The following LRRC7 variants were observed in gnomAD, a reference collection of about 807,000 sequenced individuals.
LRRC7 encodes the protein leucine rich repeat containing 7.
Under a neutral mutation model 175.7 loss-of-function variants are expected in LRRC7, and 23 were observed. That is an observed-to-expected ratio of 0.13 (90% CI 0.09 to 0.19). The LOEUF is 0.19. Among genes scored for constraint, LRRC7 ranks in the 10% least tolerant of loss-of-function variants. LRRC7 has a pLI of 1.00. For missense variants in LRRC7, 1,354 were observed against 1,904.7 expected (o/e 0.71, Z 5.38); for synonymous variants, 685 against 680.9 (o/e 1.01, Z -0.09).
intron 1 of LRRC7, among the ~76,000 whole-genome samples, chr1:69,660,424 TC>T (rs1156601660): frequency 2.0e-5 from 3 of 152,044 alleles, no homozygotes. Context: ...CAATACACAT[TC>T]TTTCCAAAGC....
At chr1:69,741,525 C>A (rs995862541) in intron 2 of LRRC7, among the ~76,000 whole-genome samples, 1 of 151,978 alleles carries the variant, frequency 6.6e-6, no homozygotes, top group South Asian at 2.1e-4. Flanking sequence ...GCCAGACCAC[C>A]AAATGCAGTG....
At position 70,038,204 on chromosome 1, in the gene LRRC7, G is replaced by C; in HGVS notation, c.2380G>C (p.Asp794His). Residue 794 changes from aspartate (D) to histidine (H), a missense_variant, in exon 21 of 27, where the codon GAC (aspartate) becomes CAC (histidine). Transcript: ENST00000651989. ...VPPGNIPQRP[D>H]RLPMSDTFTD... ...CCCAGGCAATATACCACAGCGTCCT[G>C]ACCGGCTGCCCATGAGTGATACTTT... 1 of 1,614,110 alleles carries C rather than the reference G, an allele frequency of 6.2e-7. No homozygotes were observed. Among genetic ancestry groups the C allele is most frequent in the Non-Finnish European group, 8.5e-7 (1 of 1,180,016 alleles).
At chr1:70,069,444 A>T (rs1265368484) in intron 23 of LRRC7, among the ~76,000 whole-genome samples, 2 of 152,168 alleles carry the variant, frequency 1.3e-5, no homozygotes, top group Admixed American at 6.5e-5. Flanking sequence ...TGTGGGGATT[A>T]TATGGATTAT....
chr1:69,869,995 A>C, intron 7 of LRRC7, among the ~76,000 whole-genome samples: 1 of 152,146 alleles, frequency 6.6e-6, no homozygotes, highest in East Asian at 1.9e-4. Flanking sequence ...AAGACAGTCA[A>C]ATATCTTGCC....
intron 1 of LRRC7, among the ~76,000 whole-genome samples, chr1:69,667,322 T>G (rs1658410013): frequency 6.7e-6 from 1 of 150,190 alleles, no homozygotes; most frequent in Non-Finnish European, 1.5e-5. Flanking sequence ...TTAGGTCAAT[T>G]TGCTCTGCAC....
chr1:69,671,596 C>T (rs917800779), intron 1 of LRRC7, among the ~76,000 whole-genome samples: 7 of 152,104 alleles, frequency 4.6e-5, no homozygotes. Context: ...GTTCCAGTGT[C>T]CTAGACTGCC....
intron 2 of LRRC7, among the ~76,000 whole-genome samples, chr1:69,680,943 TTC>T (rs1660407721): frequency 6.6e-6 from 1 of 151,502 alleles, no homozygotes; most frequent in African/African-American, 2.4e-5. Context: ...CTTTTCTCTC[TTC>T]TCTTTTTCTG....
At chr1:70,108,749 A>G (rs1252318274) in intron 26 of LRRC7, among the ~76,000 whole-genome samples, 1 of 152,208 alleles carries the variant, frequency 6.6e-6, no homozygotes, top group Non-Finnish European at 1.5e-5. Context: ...ACATGTGAAA[A>G]GAACCTTAGA....
intron 1 of LRRC7, among the ~76,000 whole-genome samples, chr1:69,664,235 G>C (rs1049334674): frequency 6.6e-6 from 1 of 152,106 alleles, no homozygotes; most frequent in Non-Finnish European, 1.5e-5. Flanking sequence ...TGCAAATCTT[G>C]GCTGTTGTGA....
intron 1 of LRRC7, among the ~76,000 whole-genome samples, chr1:69,621,750 C>T (rs1650647938): frequency 2.6e-5 from 4 of 152,144 alleles, no homozygotes. Context: ...TATGCCTTGG[C>T]CTCTTTCCTT....
intron 1 of LRRC7, among the ~76,000 whole-genome samples, chr1:69,631,413 A>G (rs1380073371): frequency 6.6e-6 from 1 of 152,040 alleles, no homozygotes; most frequent in Non-Finnish European, 1.5e-5. Flanking sequence ...GAGTTTTGCC[A>G]TAGGACAGCA....
At chr1:69,694,708 T>A (rs1662336286) in intron 2 of LRRC7, among the ~76,000 whole-genome samples, 1 of 148,052 alleles carries the variant, frequency 6.8e-6, no homozygotes, top group South Asian at 2.2e-4. Flanking sequence ...TCACATGAGA[T>A]CTGGTTGTTT....
At chr1:70,024,974 A>T (rs573595002) in intron 17 of LRRC7, among the ~76,000 whole-genome samples, 11 of 152,240 alleles carry the variant, frequency 7.2e-5, no homozygotes, top group African/African-American at 2.6e-4. Flanking sequence ...AGAGAAATTC[A>T]CATTTTAAAC....
At chr1:69,809,329 A>G (rs1677531057) in intron 4 of LRRC7, among the ~76,000 whole-genome samples, 3 of 152,124 alleles carry the variant, frequency 2.0e-5, no homozygotes, top group Admixed American at 2.0e-4. Flanking sequence ...ATTCACAGCC[A>G]AATTCTACCA....
At chr1:69,971,685 G>A (rs540202535) in intron 8 of LRRC7, among the ~76,000 whole-genome samples, 2 of 152,188 alleles carry the variant, frequency 1.3e-5, no homozygotes, top group East Asian at 1.9e-4. Flanking sequence ...TTGTGAAAAC[G>A]ACCATACTGC....
chr1:69,806,980 CTG>C (rs1257849500), intron 4 of LRRC7, among the ~76,000 whole-genome samples: 4 of 152,054 alleles, frequency 2.6e-5, no homozygotes, highest in African/African-American at 4.8e-5. Context: ...AAAAGTACAC[CTG>C]TATTGGGTGC....
intron 4 of LRRC7, among the ~76,000 whole-genome samples, chr1:69,813,579 T>C (rs530874475): frequency 3.3e-5 from 5 of 152,318 alleles, no homozygotes; most frequent in African/African-American, 9.6e-5. Context: ...TATTTGTGAA[T>C]ACGGCAATTT....
chr1:69,910,286 T>C (rs1646481402), intron 7 of LRRC7, among the ~76,000 whole-genome samples: 1 of 152,252 alleles, frequency 6.6e-6, no homozygotes, highest in Admixed American at 6.5e-5. Flanking sequence ...TTCCAGTTTT[T>C]CTGCTCTGTT....
chr1:69,736,972 T>C (rs886991622), intron 2 of LRRC7, among the ~76,000 whole-genome samples: 9 of 152,146 alleles, frequency 5.9e-5, no homozygotes, highest in Admixed American at 1.3e-4. Context: ...TTGGTCTTTA[T>C]ACTGTTTACT....
Sources: allele counts gnomAD v4.1 joint callset (sites outside exome capture counted in the v4.1 genomes callset), GRCh38; gene constraint gnomAD v4.1.1; transcripts MANE v1.5; gene names NCBI Gene and HGNC (gene_info 2026-07-23, HGNC 2026-07-21).